The following PAPPA2 variants were observed in gnomAD, a reference collection of about 807,000 sequenced individuals.
PAPPA2 encodes pappalysin-2.
Under a neutral mutation model 176.4 loss-of-function variants are expected in PAPPA2, and 86 were observed. That is an observed-to-expected ratio of 0.49 (90% CI 0.41 to 0.58). The LOEUF (loss-of-function observed/expected upper bound fraction) is 0.58. PAPPA2 is among the 20% of genes least tolerant of loss of function. The pLI is 0.00. For missense variants in PAPPA2, 2,073 were observed against 2,256.9 expected (o/e 0.92, Z 1.65); for synonymous variants, 809 against 852.2 (o/e 0.95, Z 0.88).
At chr1:176,686,423 A>C (rs375596603) in intron 4 of PAPPA2, among the ~76,000 whole-genome samples, 1 of 152,140 alleles carries the variant, frequency 6.6e-6, no homozygotes, top group Admixed American at 6.6e-5. Context: ...CCATGATTCA[A>C]TTACCTCCAC....
At chr1:176,622,377 A>G (rs1030054100) in intron 3 of PAPPA2, among the ~76,000 whole-genome samples, 1 of 152,212 alleles carries the variant, frequency 6.6e-6, no homozygotes, top group Non-Finnish European at 1.5e-5. Context: ...GTTTGCTAGG[A>G]TAATATAGCA....
intron 17 of PAPPA2, among the ~76,000 whole-genome samples, chr1:176,784,528 G>A (rs1451323894): frequency 6.6e-6 from 1 of 151,940 alleles, no homozygotes; most frequent in Admixed American, 6.5e-5. Context: ...AGCTTGAGAA[G>A]TCCAAGGTGC....
At chr1:176,593,989 A>G (rs1240110028) in intron 2 of PAPPA2, among the ~76,000 whole-genome samples, 1 of 152,210 alleles carries the variant, frequency 6.6e-6, no homozygotes, top group Non-Finnish European at 1.5e-5. Context: ...GGATGTTACC[A>G]TCTTCTCTAA....
intron 3 of PAPPA2, among the ~76,000 whole-genome samples, chr1:176,653,736 C>G (rs2063049): frequency 0.17 from 26,377 of 151,532 alleles, 2,422 homozygotes; most frequent in Middle Eastern, 0.23. Context: ...CCCACTCCGT[C>G]TCCTACTCAC....
At position 176,487,991 on chromosome 1, in the gene PAPPA2, G is replaced by A. The variant is rs1415458882; in HGVS notation, c.-917+24573G>A. On this transcript the variant is annotated intron_variant, in intron 1 of 22. Coordinates refer to ENST00000367662, the MANE Select transcript of PAPPA2 (RefSeq NM_020318.3). ...GGCAGGTAAGTAGAAAAAATGGAAT[G>A]GGCTGTTTTTAAATTCTGTTTTAAG... Among the ~76,000 whole-genome samples, 3 of 152,102 alleles carry A rather than the reference G, an allele frequency of 2.0e-5. No homozygotes were observed. The East Asian group carries it at 5.8e-4, about 29-fold the overall frequency.
intron 3 of PAPPA2, among the ~76,000 whole-genome samples, chr1:176,611,927 T>C (rs1370015178): frequency 6.6e-6 from 1 of 152,218 alleles, no homozygotes; most frequent in East Asian, 1.9e-4. Context: ...CTTATATATT[T>C]TGACACATAT....
intron 2 of PAPPA2, among the ~76,000 whole-genome samples, chr1:176,562,732 G>A (rs1453277168): frequency 6.6e-6 from 1 of 152,220 alleles, no homozygotes; most frequent in East Asian, 1.9e-4. Flanking sequence ...AGTTGCACGA[G>A]TTGACTTGTG....
chr1:176,826,903 C>A (rs998283847), intron 21 of PAPPA2, among the ~76,000 whole-genome samples: 1 of 152,202 alleles, frequency 6.6e-6, no homozygotes, highest in African/African-American at 2.4e-5. Context: ...GCTACTTAAT[C>A]AAGATCTATG....
intron 1 of PAPPA2, among the ~76,000 whole-genome samples, chr1:176,484,238 C>T (rs1652544675): frequency 6.6e-6 from 1 of 152,212 alleles, no homozygotes; most frequent in African/African-American, 2.4e-5. Context: ...TTGTAGGTAA[C>T]ATGTTTTTCC....
chr1:176,589,694 T>C (rs186296029), intron 2 of PAPPA2, among the ~76,000 whole-genome samples: 1 of 152,344 alleles, frequency 6.6e-6, no homozygotes, highest in African/African-American at 2.4e-5. Flanking sequence ...CTCTGTTCTT[T>C]CCAAGAATGT....
At chr1:176,752,380 CT>C (rs1318361895) in intron 14 of PAPPA2, among the ~76,000 whole-genome samples, 16 of 148,114 alleles carry the variant, frequency 1.1e-4, no homozygotes, top group Admixed American at 1.1e-3. Context: ...TACCATTAGG[CT>C]GTTATTATGT....
At chr1:176,656,261 T>C (rs1275145233) in intron 3 of PAPPA2, among the ~76,000 whole-genome samples, 3 of 151,870 alleles carry the variant, frequency 2.0e-5, no homozygotes, top group Admixed American at 6.6e-5. Flanking sequence ...CTAGGTTTGC[T>C]GATATTGCTC....
intron 1 of PAPPA2, among the ~76,000 whole-genome samples, chr1:176,492,498 A>G (rs1647347010): frequency 6.6e-6 from 1 of 152,194 alleles, no homozygotes. Flanking sequence ...TGTCAAAACT[A>G]TTATCCTTTT....
rs371467906 is a variant in PAPPA2 at position 176,684,361 on chromosome 1, A to G, written c.2138-5776A>G. On this transcript the variant is annotated intron_variant, in intron 4 of 22. Coordinates refer to ENST00000367662, the MANE Select transcript of PAPPA2 (RefSeq NM_020318.3). Reference sequence around the variant, plus strand: ...ATCAGTCCGTCGACAGCCTTGCAGGATGGGCGTTGGGGAAGTGAGAGAAGG... The same window carrying G: ...ATCAGTCCGTCGACAGCCTTGCAGGGTGGGCGTTGGGGAAGTGAGAGAAGG... Among the ~76,000 whole-genome samples the G allele has an allele frequency of 5.3e-5, 8 of 152,236 alleles. No homozygotes were observed. In the East Asian group the frequency reaches 1.4e-3, roughly 26 times the overall value.
chr1:176,781,398 T>TTG, intron 17 of PAPPA2, among the ~76,000 whole-genome samples: 1 of 101,120 alleles, frequency 9.9e-6, no homozygotes, highest in South Asian at 3.3e-4. Context: ...TTTTTTTTTT[T>TTG]GTCAGGGAAG....
intron 17 of PAPPA2, among the ~76,000 whole-genome samples, chr1:176,786,783 TTTC>T (rs1203456702): frequency 6.6e-6 from 1 of 152,202 alleles, no homozygotes; most frequent in Non-Finnish European, 1.5e-5. Context: ...CAGGCTCAGT[TTTC>T]TTCTTAAGTG....
At chr1:176,741,058 G>C (rs949424517) in intron 14 of PAPPA2, among the ~76,000 whole-genome samples, 1 of 152,102 alleles carries the variant, frequency 6.6e-6, no homozygotes, top group African/African-American at 2.4e-5. Flanking sequence ...GATGGGAGTA[G>C]AGAGTACTGG....
chr1:176,666,559 ATATGTG>A (rs1365583868), intron 3 of PAPPA2, among the ~76,000 whole-genome samples: 159 of 123,328 alleles, frequency 1.3e-3, no homozygotes, highest in Non-Finnish European at 1.3e-3. Context: ...AAGTAAATAT[ATATGTG>A]TGTGTGTGTG....
At chr1:176,586,334 A>C (rs187639596) in intron 2 of PAPPA2, among the ~76,000 whole-genome samples, 381 of 150,908 alleles carry the variant, frequency 2.5e-3, no homozygotes, top group Non-Finnish European at 4.0e-3. Flanking sequence ...ATTTTTCTTC[A>C]AAAAAAAATA....
Sources: gnomAD v4.1 joint callset for allele counts (sites outside exome capture counted in the v4.1 genomes callset) on GRCh38, gnomAD v4.1.1 for gene constraint, MANE v1.5 for transcripts, NCBI Gene and HGNC (gene_info 2026-07-23, HGNC 2026-07-21) for gene names.